The following RYR2 variants were observed in gnomAD, a reference collection of about 807,000 sequenced individuals.
RYR2 encodes cardiac muscle ryanodine receptor-calcium release channel.
In RYR2, 227 loss-of-function variants were observed where a neutral mutation model predicts 601.1. The observed-to-expected ratio is 0.38, with a 90% CI of 0.34 to 0.42. The LOEUF (loss-of-function observed/expected upper bound fraction) is 0.42. Ranked by LOEUF, RYR2 falls within the 10% of genes least tolerant of loss-of-function variation. RYR2 has a pLI of 1.00. For missense variants in RYR2, 4,646 were observed against 6,156.5 expected (o/e 0.75, Z 8.21); for synonymous variants, 2,223 against 2,175.1 (o/e 1.02, Z -0.61).
intron 25 of RYR2, among the ~76,000 whole-genome samples, chr1:237,548,175 CT>C (rs1670016124): frequency 6.6e-6 from 1 of 152,166 alleles, no homozygotes; most frequent in Non-Finnish European, 1.5e-5. Context: ...TCCTTTTCAT[CT>C]CTGAGAGACA....
intron 17 of RYR2, among the ~76,000 whole-genome samples, chr1:237,474,927 T>G (rs890538024): frequency 4.6e-5 from 7 of 152,228 alleles, no homozygotes; most frequent in Non-Finnish European, 1.5e-5. Flanking sequence ...TTTCCCTTAC[T>G]TGCAGCTGAA....
At chr1:237,797,058 A>T (rs61830310) in intron 96 of RYR2, among the ~76,000 whole-genome samples, 3,848 of 152,098 alleles carry the variant, frequency 0.025, 70 homozygotes, top group East Asian at 0.045. Flanking sequence ...TGCTGGGATT[A>T]CAGGAGTGAG....
At chr1:237,492,046 T>G in intron 18 of RYR2, 122 bp downstream of exon 18, 1 of 599,220 alleles carries the variant, frequency 1.7e-6, no homozygotes, top group South Asian at 1.9e-5. Flanking sequence ...TCTTAATTAT[T>G]TTTTGAGATG....
chr1:237,050,011 G>A (rs1661054898), intron 1 of RYR2, among the ~76,000 whole-genome samples: 1 of 152,148 alleles, frequency 6.6e-6, no homozygotes, highest in South Asian at 2.1e-4. Context: ...GGTTTCTATT[G>A]CAAAAGTTCT....
intron 80 of RYR2, among the ~76,000 whole-genome samples, chr1:237,744,946 G>T (rs181115693): frequency 2.0e-4 from 31 of 151,580 alleles, no homozygotes; most frequent in Admixed American, 5.3e-4. Context: ...ACAGTGGCGC[G>T]CCACCACGCC....
chr1:237,812,935 T>C (rs1661409726), intron 100 of RYR2, among the ~76,000 whole-genome samples: 1 of 151,414 alleles, frequency 6.6e-6, no homozygotes. Flanking sequence ...GTAAGAAAAC[T>C]GGATTCAATG....
intron 1 of RYR2, among the ~76,000 whole-genome samples, chr1:237,067,964 T>C (rs1326408948): frequency 1.3e-5 from 2 of 152,088 alleles, no homozygotes; most frequent in Non-Finnish European, 2.9e-5. Context: ...GTGGTATAAT[T>C]AATCATGCCC....
At chr1:237,417,983 C>G (rs1705180213) in intron 11 of RYR2, among the ~76,000 whole-genome samples, 1 of 152,040 alleles carries the variant, frequency 6.6e-6, no homozygotes, top group South Asian at 2.1e-4. Flanking sequence ...TTTAGGATAA[C>G]AGACTCTATG....
intron 12 of RYR2, among the ~76,000 whole-genome samples, chr1:237,432,878 T>TG (rs915995667): frequency 1.4e-5 from 2 of 142,892 alleles, no homozygotes; most frequent in African/African-American, 5.6e-5. Context: ...TTTTTGTTGT[T>TG]TTTTTTTTTT....
chr1:237,685,119 G>T lies in RYR2; in HGVS notation c.9018-2336G>T, dbSNP rs1406955062. Among the ~76,000 whole-genome samples, 4 of 152,140 alleles carry T rather than the reference G, an allele frequency of 2.6e-5. No homozygotes were observed. In the East Asian group the frequency reaches 7.7e-4, roughly 29 times the overall value. ...AAGACAATGAGTAAATGCTGAAGAAGTAGATGCCTTATAAATTCTGGAGAA... is the reference window on the plus strand; with the variant it reads ...AAGACAATGAGTAAATGCTGAAGAATTAGATGCCTTATAAATTCTGGAGAA... On this transcript the variant is annotated intron_variant, in intron 62 of 104. Transcript: ENST00000366574.
At chr1:237,208,892 CT>C (rs1313112657) in intron 1 of RYR2, among the ~76,000 whole-genome samples, 1 of 142,396 alleles carries the variant, frequency 7.0e-6, no homozygotes, top group Non-Finnish European at 1.5e-5. Context: ...CCCCTGGTAA[CT>C]ACCCTACTAC....
In RYR2 at chr1:237,720,241, A is replaced by G. The variant is rs145783599; in HGVS notation, c.10554+1720A>G. Among the ~76,000 whole-genome samples, 203 of 152,280 alleles carry G rather than the reference A, an allele frequency of 1.3e-3. 1 individual carries two copies. Among genetic ancestry groups the G allele is most frequent in the African/African-American group, 4.6e-3 (191 of 41,554 alleles). ...TCTGAGGAATTTTTTTTAATTATGA[A>G]AATACGCAAATGTCAAAAAGTAGCA... On this transcript the variant is annotated intron_variant, in intron 73 of 104. Transcript: ENST00000366574.
In RYR2 at chr1:237,795,836, G is replaced by GTA. The variant is rs1553329286; in HGVS notation, c.13956+517_13956+518dup. ...TATACAGGTATGTATGTGTGTGTGT[G>GTA]TATATATATATATGTATATGTATAT... On this transcript the variant is annotated intron_variant, in intron 96 of 104. Transcript: ENST00000366574. Among the ~76,000 whole-genome samples, 289 of 132,660 alleles carry GTA rather than the reference G, an allele frequency of 2.2e-3. 2 individuals are homozygous for GTA. Among genetic ancestry groups the GTA allele is most frequent in the African/African-American group, 6.7e-3 (235 of 34,932 alleles). The allele number at this position is 132,660 out of a possible 152,430, so 87.0% of individuals were successfully genotyped here.
Position 237,414,463 on chromosome 1 carries a change from A to C in RYR2, c.774-2586A>C, listed in dbSNP as rs142327271. Among the ~76,000 whole-genome samples the C allele has an allele frequency of 8.4e-3, 1,279 of 152,298 alleles. 27 individuals are homozygous for C. The highest frequency in any genetic ancestry group is 0.03 in the African/African-American group (1,229 of 41,566). On this transcript the variant is annotated intron_variant, in intron 10 of 104. Transcript: ENST00000366574. ...TAGAAACTCTGGGGATGGGTCCAGC[A>C]ATCTCTTTTTAAAAAATTATTTTAA...
At chr1:237,800,148 C>T (rs942907347) in intron 97 of RYR2, 1 of 152,114 alleles carries the variant, frequency 6.6e-6, no homozygotes, top group Non-Finnish European at 1.5e-5. Context: ...GAAAATAACT[C>T]ATAAGAATAA....
rs529610686 is a variant in RYR2 at position 237,740,978 on chromosome 1, A to G, written c.11092-1318A>G. Among the ~76,000 whole-genome samples, 8 of 152,292 alleles carry G rather than the reference A, an allele frequency of 5.3e-5. No individual in the cohort carries two copies. In the East Asian group the frequency reaches 1.5e-3, roughly 29 times the overall value. ...TTATTTTTTAAATCCTGGCTGACTA[A>G]TAACATGGGAGACAGAGCAGCAGAA... On this transcript the variant is annotated intron_variant, in intron 79 of 104. Coordinates refer to ENST00000366574, the MANE Select transcript of RYR2 (RefSeq NM_001035.3).
At position 237,482,433 on chromosome 1, in the gene RYR2, G is replaced by A. The variant is rs149185962; in HGVS notation, c.1709-9373G>A. On this transcript the variant is annotated intron_variant, in intron 17 of 104. Transcript: ENST00000366574. ...TCAAATGTTTTGATTTTTAGATCTC[G>A]CAAATAAGTGAGAACATGTGATGAT... 2.3e-3 allele frequency among the ~76,000 whole-genome samples: 351 copies of A among 151,802 alleles called. 3 individuals are homozygous for A. The highest frequency in any genetic ancestry group is 0.017 in the Admixed American group (257 of 15,256).
At chr1:237,408,681 A>C (rs1430881312) in intron 10 of RYR2, among the ~76,000 whole-genome samples, 1 of 152,042 alleles carries the variant, frequency 6.6e-6, no homozygotes, top group East Asian at 1.9e-4. Context: ...CTTCTCATAT[A>C]AACTTTAGAA....
At chr1:237,294,759 C>A (rs978057695) in intron 2 of RYR2, among the ~76,000 whole-genome samples, 2 of 152,048 alleles carry the variant, frequency 1.3e-5, no homozygotes, top group African/African-American at 4.8e-5. Context: ...TTTCTTATAA[C>A]CCCCAACCCC....
Sources: allele counts gnomAD v4.1 joint callset (sites outside exome capture counted in the v4.1 genomes callset), GRCh38; gene constraint gnomAD v4.1.1; transcripts MANE v1.5; gene names NCBI Gene and HGNC (gene_info 2026-07-23, HGNC 2026-07-21).